MEIG1: variants seen among roughly 807,000 people sequenced by gnomAD.
The protein encoded by MEIG1 is meiosis/spermiogenesis associated 1.
In MEIG1, 12 loss-of-function variants were observed where a neutral mutation model predicts 11.3. The ratio of observed to expected loss-of-function variants is 1.07; its 90% CI spans 0.68 to 1.73. The LOEUF (loss-of-function observed/expected upper bound fraction) is 1.73. Among genes scored for constraint, MEIG1 ranks in the 40% most tolerant of loss-of-function variants. The pLI is 0.00. For synonymous variants in MEIG1, 41 were observed against 33.2 expected, an observed-to-expected ratio of 1.24 and a Z score of -0.81; for missense variants, 119 against 104.9, an observed-to-expected ratio of 1.13 and a Z score of -0.59.
chr10:14,978,274 G>A (rs1274954115), intron 1 of MEIG1, among the ~76,000 whole-genome samples: 1 of 151,972 alleles, frequency 6.6e-6, no homozygotes, highest in African/African-American at 2.4e-5. Context: ...CACATTGGGT[G>A]TAGACACATG....
Position 14,966,327 on chromosome 10 carries a change from G to T in MEIG1, c.-29-113G>T, listed in dbSNP as rs1380219059. 4 of 557,550 alleles carry T rather than the reference G, an allele frequency of 7.2e-6. No homozygotes were observed. The East Asian group carries it at 1.7e-4, about 24-fold the overall frequency. The allele number at this position is 557,550 out of a possible 1,614,324, so 34.5% of individuals were successfully genotyped here. On this transcript the variant is annotated intron_variant, in intron 1 of 2. Transcript: ENST00000407572. ...TCCACCTGCCTCAGCCTCCCAAAGTGCTGGGATTACAGGTGTGAGCCACCG... is the reference window on the plus strand; with the variant it reads ...TCCACCTGCCTCAGCCTCCCAAAGTTCTGGGATTACAGGTGTGAGCCACCG...
Position 14,964,579 on chromosome 10 carries a change from GTGTGTGTA to G in MEIG1, c.-29-1859_-29-1852del, listed in dbSNP as rs1843054967. ...TGTATATAAGAGTGTGTGTGTGTGT[GTGTGTGTA>G]TATATATATATATATATATATACAC... is the stretch of plus-strand genomic sequence containing the variant. On this transcript the variant is annotated intron_variant, in intron 1 of 2. Coordinates refer to ENST00000407572, the MANE Select transcript of MEIG1 (RefSeq NM_001080836.3). Among the ~76,000 whole-genome samples the G allele has an allele frequency of 3.7e-5, 3 of 81,746 alleles. No homozygotes were observed. In the South Asian group the frequency reaches 1.4e-3, roughly 37 times the overall value. The allele number at this position is 81,746 out of a possible 152,430, so 53.6% of individuals were successfully genotyped here.
At chr10:14,971,226 A>ATAATAATAATAC (rs1843145936) in intron 2 of MEIG1, among the ~76,000 whole-genome samples, 1 of 149,258 alleles carries the variant, frequency 6.7e-6, no homozygotes, top group Non-Finnish European at 1.5e-5. Context: ...GATAATAATA[A>ATAATAATAATAC]TAATAATAAT....
chr10:14,963,289 T>G (rs937424328), intron 1 of MEIG1, among the ~76,000 whole-genome samples: 2 of 151,396 alleles, frequency 1.3e-5, no homozygotes, highest in African/African-American at 4.9e-5. Flanking sequence ...AGCGACGGGT[T>G]TCTCCATGTT....
At chr10:14,977,615 T>G (rs1040194915), downstream of MEIG1, among the ~76,000 whole-genome samples, 5 of 151,792 alleles carry the variant, frequency 3.3e-5, no homozygotes, top group African/African-American at 1.2e-4. Context: ...GGATATTATT[T>G]GTAATTTCTT....
chr10:14,971,866 C>G (rs1300464702), intron 2 of MEIG1, among the ~76,000 whole-genome samples: 1 of 152,118 alleles, frequency 6.6e-6, no homozygotes, highest in Non-Finnish European at 1.5e-5. Context: ...GCCTGTAATT[C>G]CAGCACTTGG....
At chr10:14,982,315 G>A (rs1039518448) in intron 1 of MEIG1, among the ~76,000 whole-genome samples, 1 of 152,020 alleles carries the variant, frequency 6.6e-6, no homozygotes, top group African/African-American at 2.4e-5. Flanking sequence ...ACTGGTGGTC[G>A]GTTCGTGGTA....
chr10:14,981,665 C>G (rs1305656416), intron 1 of MEIG1, among the ~76,000 whole-genome samples: 1 of 152,212 alleles, frequency 6.6e-6, no homozygotes, highest in Admixed American at 6.5e-5. Context: ...TCCAATAACC[C>G]TTCTGCGAGG....
chr10:14,979,536 C>G (rs567192055), intron 1 of MEIG1, among the ~76,000 whole-genome samples: 3 of 151,986 alleles, frequency 2.0e-5, no homozygotes, highest in Non-Finnish European at 4.4e-5. Context: ...GGTGTACACC[C>G]TGTGTTATTA....
chr10:14,957,937 C>T (rs561847299), upstream of MEIG1, among the ~76,000 whole-genome samples: 2 of 152,308 alleles, frequency 1.3e-5, no homozygotes, highest in African/African-American at 4.8e-5. Flanking sequence ...TGAGCCACCG[C>T]GCCCGGCCTT....
chr10:14,982,447 C>T (rs762125290), intron 1 of MEIG1, among the ~76,000 whole-genome samples: 2 of 152,138 alleles, frequency 1.3e-5, no homozygotes, highest in Non-Finnish European at 2.9e-5. Context: ...ACATGAGCAA[C>T]TGGTGGCAAT....
At chr10:14,984,191 T>G (rs1843294129) in intron 1 of MEIG1, among the ~76,000 whole-genome samples, 1 of 151,194 alleles carries the variant, frequency 6.6e-6, no homozygotes, top group South Asian at 2.1e-4. Context: ...GGGGTGCTAT[T>G]ACTCCCCGCA....
upstream of MEIG1, among the ~76,000 whole-genome samples, chr10:14,956,055 T>C (rs569509717): frequency 6.6e-6 from 1 of 152,206 alleles, no homozygotes; most frequent in African/African-American, 2.4e-5. Flanking sequence ...ATTTGCTCAC[T>C]TATTTATCTC....
intron 2 of MEIG1, 111 bp from the exon 3 acceptor site, chr10:14,972,402 A>G: frequency 7.2e-7 from 1 of 1,385,684 alleles, no homozygotes; most frequent in South Asian, 1.2e-5. Flanking sequence ...TCTAAAATCT[A>G]ATCTTATACT....
rs2131284554 is a variant in MEIG1 at position 14,983,544 on chromosome 10, ATCCAG to A, written n.67-3249_67-3245del. 2.0e-5 allele frequency among the ~76,000 whole-genome samples: 3 copies of A among 152,192 alleles called. No individual in the cohort carries two copies. In the East Asian group the frequency reaches 5.8e-4, roughly 29 times the overall value. ...ACTCCCAATATCGCAGGGGGTGTAC[ATCCAG>A]TCTGTGCTATTGTTCTTAATATTCA... On this transcript the variant is annotated intron_variant and non_coding_transcript_variant, in intron 1 of 2. Transcript: ENST00000467536.
chr10:14,983,892 A>G (rs1391988622), intron 1 of MEIG1, among the ~76,000 whole-genome samples: 2 of 152,022 alleles, frequency 1.3e-5, no homozygotes, highest in Non-Finnish European at 2.9e-5. Flanking sequence ...GAAGAGGATG[A>G]TGTTACTTTC....
At chr10:14,958,780 C>G (rs1238858035), upstream of MEIG1, among the ~76,000 whole-genome samples, 1 of 152,034 alleles carries the variant, frequency 6.6e-6, no homozygotes, top group Non-Finnish European at 1.5e-5. Flanking sequence ...CCTGTAGTCC[C>G]AGCTACTCGG....
chr10:14,972,536 A>T lies in MEIG1; in HGVS notation c.162A>T (p.Gly54=), dbSNP rs1843164016. ...AGGTAGATCGTTGGCCGGAGACAGG[A>T]TATGTGAAGAAACTTCAGAGAAGGG... is the stretch of plus-strand genomic sequence containing the variant. The part of the protein sequence containing the change: ...VSMVDRWPET[G]YVKKLQRRDN... The change falls in exon 3 of 3, where the codon GGA becomes GGT. Residue 54 remains glycine (G), a synonymous_variant. Coordinates refer to ENST00000407572, the MANE Select transcript of MEIG1 (RefSeq NM_001080836.3). 2 of 1,614,114 alleles carry T rather than the reference A, an allele frequency of 1.2e-6. No individual in the cohort carries two copies. The highest frequency in any genetic ancestry group is 1.7e-6 in the Non-Finnish European group (2 of 1,179,970).
upstream of MEIG1, among the ~76,000 whole-genome samples, chr10:14,958,213 C>T: frequency 6.6e-6 from 1 of 152,100 alleles, no homozygotes. Context: ...TTTGTACAAT[C>T]AAGTGGATGT....
Sources: gnomAD v4.1 joint callset for allele counts (sites outside exome capture counted in the v4.1 genomes callset) on GRCh38, gnomAD v4.1.1 for gene constraint, MANE v1.5 for transcripts, NCBI Gene and HGNC (gene_info 2026-07-23, HGNC 2026-07-21) for gene names.